The following CTNNA3 variants were observed in gnomAD, a reference collection of about 807,000 sequenced individuals.
The protein encoded by CTNNA3 is catenin alpha 3.
Under a neutral mutation model 95.7 loss-of-function variants are expected in CTNNA3, and 76 were observed. The observed-to-expected ratio is 0.79, with a 90% CI of 0.66 to 0.96. The LOEUF is 0.96. CTNNA3 is among the 40% of genes least tolerant of loss of function. CTNNA3 has a pLI of 0.00. For synonymous variants in CTNNA3, 431 were observed against 374.4 expected (o/e 1.15, Z -1.74); for missense variants, 1,191 against 1,089.8 (o/e 1.09, Z -1.31).
intron 5 of CTNNA3, among the ~76,000 whole-genome samples, chr10:67,429,841 G>T (rs898930700): frequency 1.3e-5 from 2 of 151,846 alleles, no homozygotes; most frequent in East Asian, 1.9e-4. Context: ...AAGTAAGTAA[G>T]CATACCAATT....
intron 5 of CTNNA3, among the ~76,000 whole-genome samples, chr10:67,300,190 A>T (rs548995785): frequency 9.8e-5 from 15 of 152,310 alleles, no homozygotes; most frequent in Admixed American, 4.6e-4. Context: ...CCCACAAAAA[A>T]TACAGAAAAG....
rs202069255 is a variant in CTNNA3, at chr10:66,418,575, A to ACACACG, written c.1532-39224_1532-39223insCGTGTG. On this transcript the variant is annotated intron_variant, in intron 11 of 17. Coordinates refer to ENST00000433211, the MANE Select transcript of CTNNA3 (RefSeq NM_013266.4). Reference sequence around the variant, plus strand: ...CACAGGGACACACACACACACACACACACACACAGAGGTATAGGTCAATAT... The same window carrying ACACACG: ...CACAGGGACACACACACACACACACACACACGCACACACAGAGGTATAGGTCAATAT... 0.011 allele frequency among the ~76,000 whole-genome samples: 1,647 copies of ACACACG among 151,512 alleles called. 207 individuals carry two copies. In the East Asian group the frequency reaches 0.26, roughly 24 times the overall value.
chr10:66,376,911 C>T (rs138500047), intron 12 of CTNNA3, among the ~76,000 whole-genome samples: 112 of 152,218 alleles, frequency 7.4e-4, no homozygotes, highest in Non-Finnish European at 1.3e-3. Flanking sequence ...TGAACATCTC[C>T]TGTTAGTAAA....
In CTNNA3 at chr10:66,709,035, G is replaced by C. The variant is rs538571106; in HGVS notation, c.1281+57229C>G. Among the ~76,000 whole-genome samples the C allele has an allele frequency of 5.3e-5, 8 of 152,096 alleles. No individual in the cohort carries two copies. The East Asian group carries it at 1.4e-3, about 26-fold the overall frequency. On this transcript the variant is annotated intron_variant, in intron 9 of 17. Coordinates refer to ENST00000433211, the MANE Select transcript of CTNNA3 (RefSeq NM_013266.4). ...GAAGCTTTTAGTGTGAAAACGTCTA[G>C]GCCCCGTAAAGACCAGGAAGGATCT...
intron 7 of CTNNA3, among the ~76,000 whole-genome samples, chr10:66,805,581 GA>G (rs1841608925): frequency 6.6e-6 from 1 of 150,690 alleles, no homozygotes; most frequent in Non-Finnish European, 1.5e-5. Flanking sequence ...TTATGGGGGG[GA>G]GAAAAACATA....
At chr10:66,597,511 CATATATATATATAT>C (rs369390875) in intron 10 of CTNNA3, among the ~76,000 whole-genome samples, 6,306 of 71,036 alleles carry the variant, frequency 0.089, 270 homozygotes, top group East Asian at 0.21. Flanking sequence ...TTATTTCATA[CATATATATATATAT>C]ATATATATAT....
Position 67,538,157 on chromosome 10 carries a change from T to TAAAAA in CTNNA3, c.459+1341_459+1345dup, listed in dbSNP as rs1176919938. The stretch of plus-strand genomic sequence containing the variant: ...CCCTTTCCTAAAAAGCTACTTAAAC[T>TAAAAA]AAAAAAAAAAAAAAAAAAAAAAAGG... On this transcript the variant is annotated intron_variant, in intron 4 of 17. Coordinates refer to ENST00000433211, the MANE Select transcript of CTNNA3 (RefSeq NM_013266.4). Among the ~76,000 whole-genome samples, 487 of 57,692 alleles carry TAAAAA rather than the reference T, an allele frequency of 8.4e-3. 12 individuals are homozygous for TAAAAA. The highest frequency in any genetic ancestry group is 0.024 in the African/African-American group (333 of 13,648). 37.8% of individuals were successfully genotyped at this position (57,692 alleles called of 152,430 possible).
intron 7 of CTNNA3, among the ~76,000 whole-genome samples, chr10:66,902,953 G>A (rs1056012967): frequency 6.6e-6 from 1 of 152,276 alleles, no homozygotes; most frequent in Admixed American, 6.5e-5. Flanking sequence ...GAAGTACAAA[G>A]AGGAGCTGAT....
intron 13 of CTNNA3, among the ~76,000 whole-genome samples, chr10:66,155,806 C>T (rs921603613): frequency 4.0e-5 from 6 of 151,728 alleles, no homozygotes; most frequent in African/African-American, 1.5e-4. Context: ...AAAGTTGATA[C>T]ATTGAACTAT....
intron 6 of CTNNA3, among the ~76,000 whole-genome samples, chr10:67,182,521 T>G (rs1862607563): frequency 6.6e-6 from 1 of 151,972 alleles, no homozygotes; most frequent in African/African-American, 2.4e-5. Flanking sequence ...TCCTTACACC[T>G]TATACAAAAA....
Position 66,064,553 on chromosome 10 carries a change from A to T in CTNNA3, c.2159+4755T>A, listed in dbSNP as rs56035656. Reference sequence around the variant, plus strand: ...TAAAGATGGCCTTTATTTAAATAAGACCCCCCAGGGAAAAGCATTCACCGT... The same window carrying T: ...TAAAGATGGCCTTTATTTAAATAAGTCCCCCCAGGGAAAAGCATTCACCGT... On this transcript the variant is annotated intron_variant, in intron 15 of 17. Coordinates refer to ENST00000433211, the MANE Select transcript of CTNNA3 (RefSeq NM_013266.4). Among the ~76,000 whole-genome samples the T allele has an allele frequency of 4.3e-3, 656 of 151,914 alleles. 6 individuals are homozygous for T. The highest frequency in any genetic ancestry group is 0.015 in the African/African-American group (614 of 41,424).
At chr10:65,953,026 A>T (rs964889251) in intron 17 of CTNNA3, among the ~76,000 whole-genome samples, 1 of 152,232 alleles carries the variant, frequency 6.6e-6, no homozygotes, top group Admixed American at 6.5e-5. Flanking sequence ...GGAAAGGGTA[A>T]TTTTAAGAGT....
At chr10:66,818,316 CT>C (rs1463439456) in intron 7 of CTNNA3, among the ~76,000 whole-genome samples, 1 of 27,838 alleles carries the variant, frequency 3.6e-5, no homozygotes. Context: ...TAAAAGTAGT[CT>C]TTGGAAAATA....
intron 7 of CTNNA3, among the ~76,000 whole-genome samples, chr10:67,052,885 T>G (rs10822967): frequency 6.6e-6 from 1 of 151,988 alleles, no homozygotes; most frequent in Admixed American, 6.6e-5. Flanking sequence ...GTTTCGTAAA[T>G]TCTAAATGTA....
chr10:67,265,164 C>T (rs1866770744), intron 5 of CTNNA3, among the ~76,000 whole-genome samples: 1 of 152,186 alleles, frequency 6.6e-6, no homozygotes, highest in African/African-American at 2.4e-5. Context: ...ACTGTGACAA[C>T]TTTCTCCACA....
At chr10:66,807,585 C>T (rs1841705820) in intron 7 of CTNNA3, among the ~76,000 whole-genome samples, 1 of 152,130 alleles carries the variant, frequency 6.6e-6, no homozygotes, top group African/African-American at 2.4e-5. Context: ...ACTGAACCCA[C>T]CCGTTGTGTG....
At chr10:67,530,626 A>C (rs1490518864) in intron 4 of CTNNA3, among the ~76,000 whole-genome samples, 1 of 152,234 alleles carries the variant, frequency 6.6e-6, no homozygotes. Flanking sequence ...AAAGTTTGGA[A>C]AATTTGCAAC....
chr10:66,885,310 G>A (rs528906705), intron 7 of CTNNA3, among the ~76,000 whole-genome samples: 1 of 152,272 alleles, frequency 6.6e-6, no homozygotes, highest in South Asian at 2.1e-4. Context: ...TTTTGTGAGA[G>A]TATGATGTTA....
At chr10:66,633,356 C>A (rs867504192) in intron 9 of CTNNA3, among the ~76,000 whole-genome samples, 2 of 152,104 alleles carry the variant, frequency 1.3e-5, no homozygotes, top group Non-Finnish European at 2.9e-5. Flanking sequence ...TGAGATACTG[C>A]AGAATGGAAA....
Sources: gnomAD v4.1 joint callset for allele counts (sites outside exome capture counted in the v4.1 genomes callset) on GRCh38, gnomAD v4.1.1 for gene constraint, MANE v1.5 for transcripts, NCBI Gene and HGNC (gene_info 2026-07-23, HGNC 2026-07-21) for gene names.